The following SLC24A2 variants were observed in gnomAD, a reference collection of about 807,000 sequenced individuals.
SLC24A2 encodes the protein sodium/potassium/calcium exchanger 2.
SLC24A2 carries 36 observed loss-of-function variants against 62.0 expected under a neutral mutation model. The observed-to-expected ratio is 0.58, with a 90% CI of 0.44 to 0.77. The LOEUF (loss-of-function observed/expected upper bound fraction) is 0.77. SLC24A2 is among the 30% of genes least tolerant of loss of function. SLC24A2 has a pLI of 0.00. For missense variants in SLC24A2, 846 were observed against 817.9 expected (o/e 1.03, Z -0.42); for synonymous variants, 358 against 294.0 (o/e 1.22, Z -2.23).
the SLC24A2 span, among the ~76,000 whole-genome samples, chr9:20,240,735 T>C: frequency 0.028 from 4,316 of 152,246 alleles, 203 homozygotes; most frequent in African/African-American, 0.097. Flanking sequence ...AGAGAAGTAC[T>C]GCATTTAGGG....
the SLC24A2 span, among the ~76,000 whole-genome samples, chr9:20,160,375 C>G: frequency 6.6e-6 from 1 of 151,236 alleles, no homozygotes; most frequent in Non-Finnish European, 1.5e-5. Flanking sequence ...TCATACTGAC[C>G]TGTCTTAGGT....
chr9:19,600,330 C>T (rs1286647212), intron 4 of SLC24A2, among the ~76,000 whole-genome samples: 1 of 152,216 alleles, frequency 6.6e-6, no homozygotes, highest in South Asian at 2.1e-4. Context: ...ACGTATATTA[C>T]TACCCCTCTA....
chr9:19,560,918 GAGAGAGA>G (rs1835363856), intron 7 of SLC24A2, among the ~76,000 whole-genome samples: 1 of 79,490 alleles, frequency 1.3e-5, no homozygotes, highest in African/African-American at 6.0e-5. Flanking sequence ...TATATATATA[GAGAGAGA>G]GAGAGAGAGA....
the SLC24A2 span, among the ~76,000 whole-genome samples, chr9:19,876,102 C>G: frequency 6.6e-6 from 1 of 152,100 alleles, no homozygotes; most frequent in Non-Finnish European, 1.5e-5. Context: ...ATTATTAAAG[C>G]CAAATCAAAG....
chr9:19,686,593 G>C (rs939453430), intron 2 of SLC24A2, among the ~76,000 whole-genome samples: 1 of 152,118 alleles, frequency 6.6e-6, no homozygotes, highest in Non-Finnish European at 1.5e-5. Flanking sequence ...TCTCATGATA[G>C]TGAGTTCTCA....
chr9:19,763,510 A>T (rs1822412102), intron 2 of SLC24A2, among the ~76,000 whole-genome samples: 1 of 151,490 alleles, frequency 6.6e-6, no homozygotes, highest in African/African-American at 2.4e-5. Context: ...TTGTTTATGG[A>T]GTGAAGCATG....
chr9:20,045,710 G>T, the SLC24A2 span, among the ~76,000 whole-genome samples: 4 of 152,026 alleles, frequency 2.6e-5, no homozygotes, highest in African/African-American at 9.7e-5. Context: ...GAATTACAGG[G>T]GTGAGCCACT....
the SLC24A2 span, among the ~76,000 whole-genome samples, chr9:20,161,097 C>A: frequency 6.6e-6 from 1 of 151,296 alleles, no homozygotes; most frequent in Non-Finnish European, 1.5e-5. Context: ...TTATGAAATA[C>A]TGTTATATAC....
At chr9:20,096,318 T>A in the SLC24A2 span, among the ~76,000 whole-genome samples, 3 of 152,310 alleles carry the variant, frequency 2.0e-5, no homozygotes, top group East Asian at 5.8e-4. Flanking sequence ...CCTTAATCTA[T>A]AACTCATTCT....
chr9:20,092,377 GGT>G, the SLC24A2 span, among the ~76,000 whole-genome samples: 1 of 152,096 alleles, frequency 6.6e-6, no homozygotes, highest in Non-Finnish European at 1.5e-5. Flanking sequence ...TGAAGCCCAG[GGT>G]GGCTTTGAAT....
At chr9:19,778,778 C>T (rs1161633803) in intron 2 of SLC24A2, among the ~76,000 whole-genome samples, 1 of 152,024 alleles carries the variant, frequency 6.6e-6, no homozygotes, top group African/African-American at 2.4e-5. Context: ...GAAACATATG[C>T]TCAAAGTTTA....
chr9:20,266,766 CT>C, the SLC24A2 span, among the ~76,000 whole-genome samples: 2 of 152,118 alleles, frequency 1.3e-5, no homozygotes, highest in African/African-American at 4.8e-5. Flanking sequence ...AGTGGAGACA[CT>C]GAGCAGTACT....
chr9:20,205,189 A>T, the SLC24A2 span, among the ~76,000 whole-genome samples: 1 of 152,176 alleles, frequency 6.6e-6, no homozygotes, highest in Admixed American at 6.5e-5. Flanking sequence ...AAAAAACTGT[A>T]TGAGAAAATG....
chr9:20,091,683 C>T, the SLC24A2 span, among the ~76,000 whole-genome samples: 1 of 152,150 alleles, frequency 6.6e-6, no homozygotes, highest in Non-Finnish European at 1.5e-5. Context: ...TACCACCCGG[C>T]CTGCCTTATA....
At chr9:20,129,308 A>T in the SLC24A2 span, among the ~76,000 whole-genome samples, 1 of 152,146 alleles carries the variant, frequency 6.6e-6, no homozygotes, top group Non-Finnish European at 1.5e-5. Context: ...GGTGAAGACA[A>T]TATGGAGAAA....
chr9:20,097,286 T>A, the SLC24A2 span, among the ~76,000 whole-genome samples: 1 of 152,244 alleles, frequency 6.6e-6, no homozygotes, highest in Non-Finnish European at 1.5e-5. Context: ...TAATTCATCA[T>A]ATCTTGAGGT....
intron 2 of SLC24A2, among the ~76,000 whole-genome samples, chr9:19,636,318 T>TCTTTC (rs1818331989): frequency 1.2e-4 from 4 of 32,248 alleles, no homozygotes; most frequent in African/African-American, 4.9e-4. Flanking sequence ...TCTTTTCTTT[T>TCTTTC]CTTTCTTTCT....
chr9:20,159,032 A>G, the SLC24A2 span, among the ~76,000 whole-genome samples: 1 of 151,714 alleles, frequency 6.6e-6, no homozygotes. Flanking sequence ...GCTTACTTAC[A>G]TTCGAGTTCT....
the SLC24A2 span, among the ~76,000 whole-genome samples, chr9:19,871,355 A>G: frequency 4.6e-4 from 70 of 152,142 alleles, no homozygotes; most frequent in East Asian, 3.1e-3. Context: ...TGTTGATGGT[A>G]CTTTGGGTTT....
Sources: gnomAD v4.1 joint callset for allele counts (sites outside exome capture counted in the v4.1 genomes callset) on GRCh38, gnomAD v4.1.1 for gene constraint, MANE v1.5 for transcripts, NCBI Gene and HGNC (gene_info 2026-07-23, HGNC 2026-07-21) for gene names.